Variants in AGK observed in about 807,000 individuals in gnomAD.
AGK encodes the protein acylglycerol kinase, also known as acylglycerol kinase, mitochondrial.
In AGK, 52 loss-of-function variants were observed where a neutral mutation model predicts 66.4. That is an observed-to-expected ratio of 0.78 (90% CI 0.63 to 0.99). The LOEUF is 0.99. AGK is among the 50% of genes least tolerant of loss of function. The probability of loss-of-function intolerance (pLI) is 0.00; values close to 1 mark genes in which losing one functional copy is unlikely to be tolerated. For synonymous variants in AGK, 182 were observed against 181.1 expected, an observed-to-expected ratio of 1.00 and a Z score of -0.04; for missense variants, 451 against 506.6, an observed-to-expected ratio of 0.89 and a Z score of 1.05.
intron 2 of AGK, among the ~76,000 whole-genome samples, chr7:141,575,103 C>T (rs1240572441): frequency 6.6e-6 from 1 of 152,174 alleles, no homozygotes; most frequent in Non-Finnish European, 1.5e-5. Context: ...AGTGATAAAT[C>T]ATAAATTGAG....
chr7:141,578,378 ACTT>A (rs1795799661), intron 2 of AGK, among the ~76,000 whole-genome samples: 1 of 151,712 alleles, frequency 6.6e-6, no homozygotes, highest in South Asian at 2.1e-4. Context: ...GGCCATTTTC[ACTT>A]CTTTTGTGAT....
chr7:141,611,737 C>T (rs535729210), intron 6 of AGK, among the ~76,000 whole-genome samples: 2 of 152,262 alleles, frequency 1.3e-5, no homozygotes, highest in Middle Eastern at 6.8e-3. Flanking sequence ...AAGAGGTATA[C>T]ATGTTAAGAT....
Position 141,575,654 on chromosome 7 carries a change from CTTTTTTTTTTTTT to C in AGK, c.102-17475_102-17463del, listed in dbSNP as rs58292692. Among the ~76,000 whole-genome samples, 54 of 58,242 alleles carry C rather than the reference CTTTTTTTTTTTTT, an allele frequency of 9.3e-4. No homozygotes were observed. The East Asian group carries it at 0.019, about 20-fold the overall frequency. 38.2% of individuals were successfully genotyped at this position (58,242 alleles called of 152,430 possible). The stretch of plus-strand genomic sequence containing the variant: ...GGGCTTAGATGCCTTTTACAAAGGC[CTTTTTTTTTTTTT>C]TTTTTTTTTTTTTTTTGGGCCTGGC... On this transcript the variant is annotated intron_variant, in intron 2 of 15. Coordinates refer to ENST00000649286, the MANE Select transcript of AGK (RefSeq NM_018238.4).
At chr7:141,622,962 G>A (rs936583825) in intron 9 of AGK, among the ~76,000 whole-genome samples, 2 of 152,102 alleles carry the variant, frequency 1.3e-5, no homozygotes, top group Non-Finnish European at 2.9e-5. Context: ...TGCTTAGTGA[G>A]AAAGGCATGT....
intron 9 of AGK, among the ~76,000 whole-genome samples, chr7:141,623,852 G>T (rs141900471): frequency 2.0e-5 from 3 of 152,086 alleles, no homozygotes; most frequent in Non-Finnish European, 2.9e-5. Context: ...GTTTGGGACA[G>T]GCTGACTCTC....
chr7:141,599,394 G>A (rs1045009662), intron 4 of AGK: 2 of 151,948 alleles, frequency 1.3e-5, no homozygotes, highest in African/African-American at 4.8e-5. Flanking sequence ...CCTTAATTAT[G>A]TAATAAATAA....
intron 8 of AGK, 192 bp downstream of exon 8, chr7:141,615,757 T>A (rs1796689713): frequency 1.7e-6 from 1 of 582,206 alleles, no homozygotes; most frequent in South Asian, 2.1e-5. Flanking sequence ...ACTCTTATAA[T>A]AAGTCTCCAG....
intron 2 of AGK, among the ~76,000 whole-genome samples, chr7:141,569,414 G>T (rs1264620096): frequency 6.6e-6 from 1 of 152,020 alleles, no homozygotes; most frequent in African/African-American, 2.4e-5. Flanking sequence ...TGCGCCTGTA[G>T]TCCCAGCTAC....
chr7:141,618,857 A>C (rs1796763880), intron 8 of AGK, among the ~76,000 whole-genome samples: 1 of 152,162 alleles, frequency 6.6e-6, no homozygotes, highest in African/African-American at 2.4e-5. Flanking sequence ...TAAACTCCAG[A>C]CAAAATATTT....
intron 2 of AGK, among the ~76,000 whole-genome samples, chr7:141,586,569 A>G (rs1021742331): frequency 6.6e-6 from 1 of 152,188 alleles, no homozygotes; most frequent in South Asian, 2.1e-4. Flanking sequence ...GAAGTCTATA[A>G]TCTAGGAAGG....
At chr7:141,559,886 G>A (rs1342958918) in intron 2 of AGK, among the ~76,000 whole-genome samples, 1 of 151,500 alleles carries the variant, frequency 6.6e-6, no homozygotes, top group East Asian at 1.9e-4. Context: ...TTTTCAGATT[G>A]TTCATTCTTA....
intron 2 of AGK, among the ~76,000 whole-genome samples, chr7:141,577,666 C>A (rs1226882181): frequency 6.6e-6 from 1 of 152,116 alleles, no homozygotes; most frequent in Non-Finnish European, 1.5e-5. Context: ...CTCCTCCCTG[C>A]TGCAAAAGGC....
chr7:141,609,329 G>A (rs1183215684), intron 5 of AGK, among the ~76,000 whole-genome samples: 2 of 152,158 alleles, frequency 1.3e-5, no homozygotes. Context: ...CTCACATCTT[G>A]GGGAAATGGT....
At chr7:141,565,989 T>A (rs1430122198) in intron 2 of AGK, among the ~76,000 whole-genome samples, 1 of 152,208 alleles carries the variant, frequency 6.6e-6, no homozygotes, top group African/African-American at 2.4e-5. Context: ...CCTGCATACA[T>A]CTCTAGACTT....
intron 2 of AGK, among the ~76,000 whole-genome samples, chr7:141,584,783 T>TTG (rs759918081): frequency 2.0e-5 from 3 of 152,366 alleles, no homozygotes; most frequent in South Asian, 2.1e-4. Context: ...AATGCAGATG[T>TTG]TGAAATTTTA....
chr7:141,560,393 T>G (rs1486606470), intron 2 of AGK, among the ~76,000 whole-genome samples: 1 of 151,932 alleles, frequency 6.6e-6, no homozygotes, highest in African/African-American at 2.4e-5. Context: ...GGAAGCTGCC[T>G]TGTCCTTTCT....
intron 5 of AGK, among the ~76,000 whole-genome samples, chr7:141,603,938 G>A (rs1411478648): frequency 6.6e-6 from 1 of 152,038 alleles, no homozygotes. Flanking sequence ...TTCATACTTA[G>A]GAAAAGTAGC....
intron 2 of AGK, among the ~76,000 whole-genome samples, chr7:141,560,202 G>A (rs2116853960): frequency 6.6e-6 from 1 of 151,396 alleles, no homozygotes; most frequent in South Asian, 2.1e-4. Flanking sequence ...TGGGTATGAT[G>A]TTAGCTGTGG....
intron 5 of AGK, among the ~76,000 whole-genome samples, 193 bp downstream of exon 5, chr7:141,601,473 G>A (rs998705012): frequency 2.6e-5 from 4 of 152,158 alleles, no homozygotes; most frequent in Admixed American, 2.0e-4. Context: ...GAATAGGATT[G>A]GATGGAGGCT....
Sources: gnomAD v4.1 joint callset for allele counts (sites outside exome capture counted in the v4.1 genomes callset) on GRCh38, gnomAD v4.1.1 for gene constraint, MANE v1.5 for transcripts, NCBI Gene and HGNC (gene_info 2026-07-23, HGNC 2026-07-21) for gene names.